Variants in MYO16 observed in about 807,000 individuals in gnomAD.
MYO16 encodes the protein myosin XVI, also known as unconventional myosin-XVI.
In MYO16, 94 loss-of-function variants were observed where a neutral mutation model predicts 205.3. The ratio of observed to expected loss-of-function variants is 0.46; its 90% CI spans 0.39 to 0.54. MYO16 has a LOEUF of 0.54. Among genes scored for constraint, MYO16 ranks in the 20% least tolerant of loss-of-function variants. The pLI is 0.00. For synonymous variants in MYO16, 988 were observed against 954.0 expected (o/e 1.04, Z -0.66); for missense variants, 2,315 against 2,387.5 (o/e 0.97, Z 0.63).
intron 34 of MYO16, among the ~76,000 whole-genome samples, chr13:109,196,275 AT>A (rs1173793047): frequency 2.0e-5 from 3 of 152,208 alleles, no homozygotes; most frequent in African/African-American, 4.8e-5. Flanking sequence ...GAATAAAATC[AT>A]TTTTTAAATC....
intron 27 of MYO16, among the ~76,000 whole-genome samples, chr13:109,091,748 G>A (rs529258875): frequency 6.6e-6 from 1 of 152,132 alleles, no homozygotes; most frequent in South Asian, 2.1e-4. Context: ...TAACTCCTAC[G>A]ATATTCCATT....
At chr13:108,573,107 C>G in the MYO16 span, among the ~76,000 whole-genome samples, 3 of 152,182 alleles carry the variant, frequency 2.0e-5, no homozygotes, top group Admixed American at 2.0e-4. Flanking sequence ...TTTTGTCCCA[C>G]CCACATTCCA....
intron 16 of MYO16, among the ~76,000 whole-genome samples, chr13:108,927,933 C>A (rs1324505654): frequency 1.3e-5 from 2 of 152,284 alleles, no homozygotes; most frequent in African/African-American, 4.8e-5. Context: ...CGCGCCACCA[C>A]ACTGATTTCC....
At chr13:109,000,168 G>C (rs1885165762) in intron 21 of MYO16, among the ~76,000 whole-genome samples, 1 of 152,188 alleles carries the variant, frequency 6.6e-6, no homozygotes, top group Non-Finnish European at 1.5e-5. Flanking sequence ...AAAGGCTTAA[G>C]TTAATCATTG....
At chr13:108,751,794 C>T (rs562454381) in intron 4 of MYO16, among the ~76,000 whole-genome samples, 36 of 152,192 alleles carry the variant, frequency 2.4e-4, no homozygotes, top group African/African-American at 8.4e-4. Flanking sequence ...GTCATGAATA[C>T]CCCAACTGAG....
At chr13:109,095,568 A>G (rs9583336) in intron 27 of MYO16, among the ~76,000 whole-genome samples, 29,046 of 152,024 alleles carry the variant, frequency 0.19, 2,865 homozygotes, top group East Asian at 0.28. Flanking sequence ...GAATTATACC[A>G]TTTTAAGTGT....
intron 2 of MYO16, among the ~76,000 whole-genome samples, chr13:108,666,959 C>T (rs539084458): frequency 3.3e-5 from 5 of 152,274 alleles, no homozygotes; most frequent in Admixed American, 2.6e-4. Flanking sequence ...AATCAATTTA[C>T]CTTGACTGGC....
chr13:109,152,514 A>G (rs1432649394), intron 32 of MYO16, among the ~76,000 whole-genome samples: 2 of 152,238 alleles, frequency 1.3e-5, no homozygotes, highest in African/African-American at 2.4e-5. Flanking sequence ...TTTAGAGGTT[A>G]GGGACAGTGA....
intron 23 of MYO16, among the ~76,000 whole-genome samples, chr13:109,027,117 G>A (rs1886387152): frequency 2.0e-5 from 3 of 152,116 alleles, no homozygotes; most frequent in Non-Finnish European, 2.9e-5. Flanking sequence ...GACTCTGAGG[G>A]AGAGGCTGTT....
intron 23 of MYO16, among the ~76,000 whole-genome samples, chr13:109,025,728 T>C (rs1886341921): frequency 6.6e-6 from 1 of 152,190 alleles, no homozygotes; most frequent in Non-Finnish European, 1.5e-5. Flanking sequence ...AGAAAGACAT[T>C]GGCTCTTAGG....
chr13:109,136,481 T>A (rs1594115269), intron 31 of MYO16, among the ~76,000 whole-genome samples: 1 of 152,202 alleles, frequency 6.6e-6, no homozygotes, highest in East Asian at 1.9e-4. Flanking sequence ...AAGGTTCTTG[T>A]TCCTTTATAG....
chr13:108,504,946 T>C, the MYO16 span, among the ~76,000 whole-genome samples: 87 of 152,346 alleles, frequency 5.7e-4, no homozygotes, highest in African/African-American at 1.7e-3. Context: ...TTTAGCATAA[T>C]GTTCTCAAGA....
chr13:108,961,497 T>C, intron 17 of MYO16, 42 bp from the exon 18 acceptor site: 1 of 1,530,650 alleles, frequency 6.5e-7, no homozygotes, highest in Non-Finnish European at 9.0e-7. Flanking sequence ...TAATCTTTCT[T>C]CTAAGCACCC....
At chr13:108,893,597 A>G (rs369252968) in intron 14 of MYO16, among the ~76,000 whole-genome samples, 2 of 152,212 alleles carry the variant, frequency 1.3e-5, no homozygotes, top group African/African-American at 4.8e-5. Context: ...GCTATCTAGT[A>G]GAAAGTTTGA....
chr13:109,079,723 C>A (rs1425394210), intron 27 of MYO16, among the ~76,000 whole-genome samples: 1 of 152,052 alleles, frequency 6.6e-6, no homozygotes, highest in Non-Finnish European at 1.5e-5. Flanking sequence ...TGTCACAAAC[C>A]TGCACATGTA....
chr13:109,124,239 C>G (rs954192232), intron 29 of MYO16, among the ~76,000 whole-genome samples: 1 of 152,126 alleles, frequency 6.6e-6, no homozygotes, highest in Non-Finnish European at 1.5e-5. Context: ...CTGATCTGCC[C>G]CCTGGAGAGT....
intron 27 of MYO16, among the ~76,000 whole-genome samples, chr13:109,091,917 C>T (rs1263553962): frequency 6.6e-5 from 10 of 152,004 alleles, no homozygotes; most frequent in South Asian, 4.2e-4. Context: ...ATAAGAAAAC[C>T]GCATCTTTTC....
rs10557146 is a variant in MYO16 at position 109,055,246 on chromosome 13, T to TACAC, written c.3130-118_3130-115dup. The TACAC allele has an allele frequency of 7.3e-3, 4,786 of 657,242 alleles. 8 individuals carry two copies. Among genetic ancestry groups the TACAC allele is most frequent in the Middle Eastern group, 0.013 (30 of 2,302 alleles). 40.7% of individuals were successfully genotyped at this position (657,242 alleles called of 1,614,324 possible). A position where few individuals can be genotyped will look rare whatever the true frequency, so the allele number is the denominator to read the frequency against. On this transcript the variant is annotated intron_variant, in intron 26 of 34. Coordinates refer to ENST00000457511, the MANE Select transcript of MYO16 (RefSeq NM_001198950.3). This position sits in a 1 kb window ranked among gnomAD's most constrained non-coding sequence, Gnocchi z 5.0. ...AATATCTTCACAAAAAAAGTAAACATACACACACACACACACACACACACA... is the reference window on the plus strand; with the variant it reads ...AATATCTTCACAAAAAAAGTAAACATACACACACACACACACACACACACACACA...
At chr13:108,726,761 A>G (rs532773200) in intron 3 of MYO16, among the ~76,000 whole-genome samples, 78 of 152,200 alleles carry the variant, frequency 5.1e-4, no homozygotes, top group African/African-American at 1.8e-3. Context: ...TATATATACA[A>G]TATTTACCTG....
Sources: allele counts gnomAD v4.1 joint callset (sites outside exome capture counted in the v4.1 genomes callset), GRCh38; gene constraint gnomAD v4.1.1; non-coding constraint Gnocchi (gnomAD v3.1); transcripts MANE v1.5; gene names NCBI Gene and HGNC (gene_info 2026-07-23, HGNC 2026-07-21).